The following CADPS2 variants were observed in gnomAD, a reference collection of about 807,000 sequenced individuals.
CADPS2 encodes calcium-dependent secretion activator 2.
A neutral mutation model predicts 172.5 loss-of-function variants in CADPS2; 93 were observed. The observed-to-expected ratio is 0.54, with a 90% CI of 0.46 to 0.64. The LOEUF (loss-of-function observed/expected upper bound fraction) is 0.64. Among genes scored for constraint, CADPS2 ranks in the 30% least tolerant of loss-of-function variants. CADPS2 has a pLI of 0.00. For missense variants in CADPS2, 1,420 were observed against 1,565.9 expected, an observed-to-expected ratio of 0.91 and a Z score of 1.57; for synonymous variants, 546 against 555.2, an observed-to-expected ratio of 0.98 and a Z score of 0.23.
chr7:122,674,527 C>T (rs762105538), intron 2 of CADPS2, among the ~76,000 whole-genome samples: 6 of 152,134 alleles, frequency 3.9e-5, no homozygotes, highest in African/African-American at 7.2e-5. Context: ...AACAAAGTCG[C>T]GGTGAACTAA....
At chr7:122,444,149 G>C (rs1586099147) in intron 15 of CADPS2, among the ~76,000 whole-genome samples, 3 of 152,132 alleles carry the variant, frequency 2.0e-5, no homozygotes, top group Admixed American at 1.3e-4. Context: ...TATATATCAA[G>C]AGTTCATTCC....
At chr7:122,839,046 C>A (rs1052778907) in intron 1 of CADPS2, among the ~76,000 whole-genome samples, 3 of 152,106 alleles carry the variant, frequency 2.0e-5, no homozygotes, top group Non-Finnish European at 4.4e-5. Flanking sequence ...AGGCTACAGT[C>A]ACCAAAACAG....
intron 2 of CADPS2, among the ~76,000 whole-genome samples, chr7:122,682,509 A>G (rs2083161405): frequency 6.6e-6 from 1 of 152,234 alleles, no homozygotes; most frequent in Non-Finnish European, 1.5e-5. Context: ...CAGAAAATAA[A>G]TCTTAAAAAT....
intron 1 of CADPS2, among the ~76,000 whole-genome samples, chr7:122,817,489 C>T (rs373702464): frequency 9.2e-5 from 14 of 152,202 alleles, no homozygotes; most frequent in Non-Finnish European, 1.9e-4. Flanking sequence ...AAAACTCTGG[C>T]GCCGGTCACA....
intron 8 of CADPS2, among the ~76,000 whole-genome samples, chr7:122,544,212 ATGTT>A (rs1019512141): frequency 6.6e-6 from 1 of 152,182 alleles, no homozygotes; most frequent in African/African-American, 2.4e-5. Flanking sequence ...AAAGTACAGT[ATGTT>A]TGTAGCAAGC....
At chr7:122,800,284 TCTC>T (rs1455889852) in intron 1 of CADPS2, among the ~76,000 whole-genome samples, 1 of 152,136 alleles carries the variant, frequency 6.6e-6, no homozygotes, top group Non-Finnish European at 1.5e-5. Context: ...AAATTTAACA[TCTC>T]CTTCAGATTT....
In CADPS2 at chr7:122,649,733, T is replaced by C. The variant is rs182384945; in HGVS notation, c.786+13504A>G. On this transcript the variant is annotated intron_variant, in intron 3 of 29. Transcript: ENST00000449022. ...TGATCAACTATACCATTACATTTCATACATCTATATGATTTATACATCTAT... is the reference window on the plus strand; with the variant it reads ...TGATCAACTATACCATTACATTTCACACATCTATATGATTTATACATCTAT... Among the ~76,000 whole-genome samples the C allele has an allele frequency of 5.3e-3, 802 of 152,230 alleles. 5 individuals are homozygous for C. Among genetic ancestry groups the C allele is most frequent in the Middle Eastern group, 0.014 (4 of 294 alleles).
intron 12 of CADPS2, among the ~76,000 whole-genome samples, chr7:122,475,689 T>C (rs774935874): frequency 6.6e-6 from 1 of 152,166 alleles, no homozygotes; most frequent in Non-Finnish European, 1.5e-5. Flanking sequence ...TATTTGTAGA[T>C]GGAAGAACTA....
At chr7:122,865,162 C>T (rs375751091) in intron 1 of CADPS2, among the ~76,000 whole-genome samples, 39 of 152,118 alleles carry the variant, frequency 2.6e-4, no homozygotes, top group African/African-American at 7.5e-4. Context: ...CACACTCTCT[C>T]GTTTCTTCTC....
chr7:122,736,324 G>C (rs969883177), intron 2 of CADPS2, among the ~76,000 whole-genome samples: 2 of 152,104 alleles, frequency 1.3e-5, no homozygotes, highest in Admixed American at 6.6e-5. Context: ...ACAATGAAAG[G>C]AATCCATTCC....
intron 1 of CADPS2, among the ~76,000 whole-genome samples, chr7:122,828,374 G>GC (rs988201527): frequency 2.5e-4 from 38 of 151,206 alleles, no homozygotes; most frequent in Admixed American, 7.3e-4. Context: ...CTCTATCTCT[G>GC]TTTTTTGTAA....
chr7:122,474,995 C>T (rs2056459591), intron 12 of CADPS2, among the ~76,000 whole-genome samples: 1 of 152,078 alleles, frequency 6.6e-6, no homozygotes, highest in African/African-American at 2.4e-5. Context: ...ATGGGACCAT[C>T]CTTAATGTAA....
chr7:122,524,993 A>G (rs1383520063), intron 8 of CADPS2, among the ~76,000 whole-genome samples: 1 of 152,054 alleles, frequency 6.6e-6, no homozygotes, highest in Non-Finnish European at 1.5e-5. Flanking sequence ...TACAAGAAAC[A>G]TAAAAAAATT....
At chr7:122,746,228 T>C (rs180835087) in intron 1 of CADPS2, among the ~76,000 whole-genome samples, 8 of 152,154 alleles carry the variant, frequency 5.3e-5, no homozygotes, top group Non-Finnish European at 1.0e-4. Flanking sequence ...TAATTAACAA[T>C]AGATGGATCC....
At chr7:122,652,808 T>C (rs1446698718) in intron 3 of CADPS2, among the ~76,000 whole-genome samples, 1 of 151,418 alleles carries the variant, frequency 6.6e-6, no homozygotes, top group Non-Finnish European at 1.5e-5. Flanking sequence ...ATTGTTTTTA[T>C]TCTTTTTTAT....
chr7:122,672,617 C>G (rs1460988795), intron 2 of CADPS2, among the ~76,000 whole-genome samples: 1 of 152,142 alleles, frequency 6.6e-6, no homozygotes, highest in African/African-American at 2.4e-5. Context: ...GAATACTGGG[C>G]CTTGGAATCT....
rs1203864705 is a variant in CADPS2, at chr7:122,860,466, C to T, written c.339+25533G>A. On this transcript the variant is annotated intron_variant, in intron 1 of 29. Transcript: ENST00000449022. Reference sequence around the variant, plus strand: ...GCCAGGCTTGTCTCAAACTCCTGGCCTCAAGCAATTCTCCTGTCATCCTCC... The same window carrying T: ...GCCAGGCTTGTCTCAAACTCCTGGCTTCAAGCAATTCTCCTGTCATCCTCC... Among the ~76,000 whole-genome samples, 3 of 152,068 alleles carry T rather than the reference C, an allele frequency of 2.0e-5. No individual in the cohort carries two copies. The South Asian group carries it at 6.2e-4, about 31-fold the overall frequency.
rs539677936 is a variant in CADPS2 at position 122,693,937 on chromosome 7, C to T, written c.454-30368G>A. Among the ~76,000 whole-genome samples, 38 of 152,304 alleles carry T rather than the reference C, an allele frequency of 2.5e-4. 2 individuals are homozygous for T. Among genetic ancestry groups the T allele is most frequent in the African/African-American group, 8.9e-4 (37 of 41,580 alleles). On this transcript the variant is annotated intron_variant, in intron 2 of 29. Transcript: ENST00000449022. ...CAAGATCGTGCCACTGCACTCCAGC[C>T]TGGGTGACAGAGGAAGAGCTCTGTC...
chr7:122,391,663 G>GTGAGTAT (rs2044380820), intron 22 of CADPS2, among the ~76,000 whole-genome samples: 2 of 152,066 alleles, frequency 1.3e-5, no homozygotes, highest in African/African-American at 4.8e-5. Flanking sequence ...TAATATCCTA[G>GTGAGTAT]TGAGTATTAT....
Sources: allele counts gnomAD v4.1 joint callset (sites outside exome capture counted in the v4.1 genomes callset), GRCh38; gene constraint gnomAD v4.1.1; transcripts MANE v1.5; gene names NCBI Gene and HGNC (gene_info 2026-07-23, HGNC 2026-07-21).